Variants in MAGI2 observed in about 807,000 individuals in gnomAD.
The protein encoded by MAGI2 is membrane associated guanylate kinase, WW and PDZ domain containing 2.
In MAGI2, 35 loss-of-function variants were observed where a neutral mutation model predicts 133.3. The ratio of observed to expected loss-of-function variants is 0.26; its 90% CI spans 0.20 to 0.35. The LOEUF (loss-of-function observed/expected upper bound fraction) is 0.35. MAGI2 is among the 10% of genes least tolerant of loss of function. The pLI is 1.00. For missense variants in MAGI2, 1,636 were observed against 1,863.4 expected (o/e 0.88, Z 2.25); for synonymous variants, 729 against 710.6 (o/e 1.03, Z -0.41).
At chr7:78,391,840 C>T (rs568380853) in intron 6 of MAGI2, among the ~76,000 whole-genome samples, 1 of 152,276 alleles carries the variant, frequency 6.6e-6, no homozygotes, top group African/African-American at 2.4e-5. Flanking sequence ...TGTGTTGAGT[C>T]ATTCTTACCT....
intron 2 of MAGI2, among the ~76,000 whole-genome samples, chr7:78,938,853 G>T (rs117855552): frequency 0.029 from 4,398 of 152,190 alleles, 96 homozygotes; most frequent in Non-Finnish European, 0.04. Context: ...GTGTGGAAGG[G>T]GTGAGGATAA....
At chr7:78,607,640 A>T (rs2150900141) in intron 3 of MAGI2, among the ~76,000 whole-genome samples, 1 of 152,276 alleles carries the variant, frequency 6.6e-6, no homozygotes, top group South Asian at 2.1e-4. Flanking sequence ...TTCCTTGATT[A>T]GTCTTTTCAG....
chr7:79,309,979 A>G (rs200376560), intron 1 of MAGI2, among the ~76,000 whole-genome samples: 20 of 141,268 alleles, frequency 1.4e-4, no homozygotes, highest in East Asian at 4.1e-4. Context: ...AAAAAAAAAA[A>G]AAAAGAAAAG....
At chr7:79,069,246 A>G (rs931965813) in intron 1 of MAGI2, among the ~76,000 whole-genome samples, 16 of 152,234 alleles carry the variant, frequency 1.1e-4, no homozygotes, top group Admixed American at 8.5e-4. Flanking sequence ...GCCTCTTTGT[A>G]CGTCTCTAAG....
intron 2 of MAGI2, among the ~76,000 whole-genome samples, chr7:78,976,481 A>AAATAAATAAATAAATC (rs1804262587): frequency 2.0e-5 from 3 of 151,590 alleles, no homozygotes; most frequent in African/African-American, 7.2e-5. Flanking sequence ...ATAAATAAAT[A>AAATAAATAAATAAATC]AATCACCTAA....
chr7:78,091,941 C>A lies in MAGI2; in HGVS notation c.3568-12856G>T, dbSNP rs79832729. On this transcript the variant is annotated intron_variant, in intron 20 of 21. Transcript: ENST00000354212. The stretch of plus-strand genomic sequence containing the variant: ...GTAGGATGAAAAAGAAAGTCTGATT[C>A]ACGTGTACTGAGGATAGCTGTAAGT... Among the ~76,000 whole-genome samples the A allele has an allele frequency of 5.3e-5, 8 of 152,314 alleles. No individual in the cohort carries two copies. In the East Asian group the frequency reaches 1.5e-3, roughly 29 times the overall value.
intron 3 of MAGI2, among the ~76,000 whole-genome samples, chr7:78,584,144 G>C (rs543422727): frequency 6.6e-6 from 1 of 152,116 alleles, no homozygotes; most frequent in Non-Finnish European, 1.5e-5. Flanking sequence ...CACTGGGGCC[G>C]GGCACGGTGG....
Position 78,083,651 on chromosome 7 carries a change from G to A in MAGI2, c.3568-4566C>T, listed in dbSNP as rs1816303842. Among the ~76,000 whole-genome samples, 12 of 152,278 alleles carry A rather than the reference G, an allele frequency of 7.9e-5. No homozygotes were observed. In the South Asian group the frequency reaches 1.9e-3, roughly 24 times the overall value. On this transcript the variant is annotated intron_variant, in intron 20 of 21. Coordinates refer to ENST00000354212, the MANE Select transcript of MAGI2 (RefSeq NM_012301.4). ...TAGAGTAATGTCACAGGGACAAGGC[G>A]GAGCGGGATAACTGCTGTGTCTAGG...
intron 2 of MAGI2, among the ~76,000 whole-genome samples, chr7:78,693,862 G>A (rs796879773): frequency 1.8e-4 from 27 of 152,204 alleles, no homozygotes; most frequent in African/African-American, 6.3e-4. Context: ...CTGGCTCCAC[G>A]GTGAGACTGT....
chr7:78,988,550 A>G lies in MAGI2; in HGVS notation c.418+18540T>C, dbSNP rs190485933. Among the ~76,000 whole-genome samples the G allele has an allele frequency of 2.5e-4, 38 of 152,254 alleles. No homozygotes were observed. The East Asian group carries it at 5.8e-3, about 23-fold the overall frequency. On this transcript the variant is annotated intron_variant, in intron 2 of 21. Transcript: ENST00000354212. ...CTCTCTTAATCTTGCAATTAAACCC[A>G]TTAATTAAAGCCCTGTGTTATTTTG...
At chr7:78,177,103 A>T (rs1235354102) in intron 14 of MAGI2, among the ~76,000 whole-genome samples, 1 of 152,010 alleles carries the variant, frequency 6.6e-6, no homozygotes, top group Non-Finnish European at 1.5e-5. Flanking sequence ...TCTACTCTAC[A>T]ATAGAGCACT....
At chr7:78,496,366 T>C (rs1175094544) in intron 5 of MAGI2, among the ~76,000 whole-genome samples, 1 of 152,230 alleles carries the variant, frequency 6.6e-6, no homozygotes, top group Non-Finnish European at 1.5e-5. Context: ...TAGGTTCTTG[T>C]TGTCTTTTTG....
At chr7:79,210,553 T>C (rs1299539245) in intron 1 of MAGI2, among the ~76,000 whole-genome samples, 3 of 152,054 alleles carry the variant, frequency 2.0e-5, no homozygotes, top group African/African-American at 7.3e-5. Context: ...CTTAACTTAA[T>C]GGAAGGGCCA....
chr7:78,557,093 A>AGAAAG, intron 3 of MAGI2, among the ~76,000 whole-genome samples: 1 of 116,400 alleles, frequency 8.6e-6, no homozygotes, highest in Admixed American at 1.0e-4. Flanking sequence ...AAAAAAAAAA[A>AGAAAG]AAAAAAAGAA....
chr7:78,532,695 G>A (rs1028862458), intron 3 of MAGI2, among the ~76,000 whole-genome samples: 4 of 152,192 alleles, frequency 2.6e-5, no homozygotes, highest in African/African-American at 9.7e-5. Context: ...AACATTAGCA[G>A]CAATTTAGAT....
intron 20 of MAGI2, among the ~76,000 whole-genome samples, chr7:78,099,897 A>AAAAGGAGTGGGAATTCCCAC: frequency 6.6e-6 from 1 of 152,204 alleles, no homozygotes; most frequent in East Asian, 1.9e-4. Context: ...TGGTCAATTT[A>AAAAGGAGTGGGAATTCCCAC]AAAGGAGTGG....
intron 1 of MAGI2, among the ~76,000 whole-genome samples, chr7:79,108,516 A>T (rs1274964238): frequency 2.0e-5 from 3 of 152,122 alleles, no homozygotes; most frequent in Non-Finnish European, 4.4e-5. Flanking sequence ...TGCCAGTTTG[A>T]TTTTTTTCTC....
intron 1 of MAGI2, among the ~76,000 whole-genome samples, chr7:79,088,972 T>G (rs1816792859): frequency 6.6e-6 from 1 of 151,950 alleles, no homozygotes. Flanking sequence ...ACTAAAGAGT[T>G]TCTCTAAAGA....
intron 3 of MAGI2, among the ~76,000 whole-genome samples, chr7:78,598,540 T>G (rs1804856341): frequency 6.6e-6 from 1 of 152,170 alleles, no homozygotes; most frequent in Non-Finnish European, 1.5e-5. Context: ...ACTTTGAACT[T>G]CATTCTTAAG....
Sources: gnomAD v4.1 joint callset for allele counts (sites outside exome capture counted in the v4.1 genomes callset) on GRCh38, gnomAD v4.1.1 for gene constraint, MANE v1.5 for transcripts, NCBI Gene and HGNC (gene_info 2026-07-23, HGNC 2026-07-21) for gene names.